TRIP11: variants seen among roughly 807,000 people sequenced by gnomAD.
TRIP11 encodes thyroid receptor-interacting protein 11.
TRIP11 carries 148 observed loss-of-function variants against 223.1 expected under a neutral mutation model. The observed-to-expected ratio is 0.66, with a 90% CI of 0.58 to 0.76. The LOEUF (loss-of-function observed/expected upper bound fraction) is 0.76, where lower values mean the gene tolerates loss of function less well. Among genes scored for constraint, TRIP11 ranks in the 30% least tolerant of loss-of-function variants. The probability of loss-of-function intolerance (pLI) is 0.00; values close to 1 mark genes in which losing one functional copy is unlikely to be tolerated. For synonymous variants in TRIP11, 762 were observed against 772.6 expected (o/e 0.99, Z 0.23); for missense variants, 2,043 against 2,222.0 (o/e 0.92, Z 1.62).
Position 92,005,123 on chromosome 14 carries a change from G to T in TRIP11, c.2853C>A (p.Asn951Lys). The T allele has an allele frequency of 6.2e-7, 1 of 1,613,428 alleles. No individual in the cohort carries two copies. Among genetic ancestry groups the T allele is most frequent in the Non-Finnish European group, 8.5e-7 (1 of 1,180,022 alleles). ...CTAAAAAGAGCTGGGTGTGTGTGGC[G>T]TTCATTTGCTCATGCTGGTATCTAA... ...DEFRYQHEQM[N>K]ATHTQLFLEK... The change falls in exon 11 of 21, where the codon AAC becomes AAA. Residue 951 changes from asparagine to lysine, a missense_variant. Asn to Lys is a moderately conservative substitution (Grantham distance 94). Coordinates refer to ENST00000267622, the MANE Select transcript of TRIP11 (RefSeq NM_004239.4).
chr14:92,036,440 T>A (rs886959213), intron 1 of TRIP11, among the ~76,000 whole-genome samples: 1 of 152,152 alleles, frequency 6.6e-6, no homozygotes, highest in East Asian at 1.9e-4. Context: ...ATTCAACATA[T>A]AAGGAAACTG....
At chr14:91,976,552 G>T (rs1312591532) in intron 16 of TRIP11, among the ~76,000 whole-genome samples, 1 of 152,172 alleles carries the variant, frequency 6.6e-6, no homozygotes, top group Non-Finnish European at 1.5e-5. Context: ...TTATTAACAG[G>T]AGGAAGTAGA....
intron 6 of TRIP11, among the ~76,000 whole-genome samples, chr14:92,015,291 G>A (rs1048087007): frequency 2.0e-5 from 3 of 152,182 alleles, no homozygotes; most frequent in African/African-American, 7.2e-5. Flanking sequence ...CTTAGGGCAA[G>A]TTTACAGCAC....
Position 92,005,493 on chromosome 14 carries a change from T to G in TRIP11, c.2483A>C (p.Gln828Pro). 6.2e-7 allele frequency: 1 copy of G among 1,613,986 alleles called. No homozygotes were observed. Among genetic ancestry groups the G allele is most frequent in the Non-Finnish European group, 8.5e-7 (1 of 1,179,996 alleles). Residue 828 changes from glutamine (Q) to proline (P), a missense_variant, in exon 11 of 21, where the codon CAG becomes CCG. Physicochemically the swap from Gln to Pro is moderately conservative, Grantham distance 76. Transcript: ENST00000267622. ...CTGAGAATATTTATCCAATTCCTCC[T>G]GCAGCTTTGAACTTCTTTCTTTAAG... ...EKLKERSSKL[Q>P]EELDKYSQAL...
chr14:92,005,548 T>A lies in TRIP11; in HGVS notation c.2428A>T (p.Ile810Leu). ...LEEQKQLTQL[I>L]NKKEIFIEKL... ...TCAATAAAAATTTCTTTCTTGTTTA[T>A]AAGTTGTGTCAACTGCTTCTGCTCT... Residue 810 changes from isoleucine to leucine, a missense_variant, in exon 11 of 21, where the codon ATA (isoleucine) becomes TTA (leucine). Ile to Leu is a conservative substitution (Grantham distance 5). Transcript: ENST00000267622. 1.2e-6 allele frequency: 2 copies of A among 1,611,622 alleles called. No homozygotes were observed. The highest frequency in any genetic ancestry group is 1.7e-6 in the Non-Finnish European group (2 of 1,179,592).
chr14:92,003,495 C>T lies in TRIP11; in HGVS notation c.4481G>A (p.Arg1494Gln), dbSNP rs775469397. 6.2e-6 allele frequency: 10 copies of T among 1,613,996 alleles called. No homozygotes were observed. Among genetic ancestry groups the T allele is most frequent in the Admixed American group, 3.3e-5 (2 of 60,000 alleles). ...ETNMKFSMML[R>Q]EKEFECHSMK... ...TGAGTGGCACTCAAACTCTTTTTCT[C>T]GCAGCATCATAGAAAACTTCATGTT... The change falls in exon 11 of 21, where the codon CGA becomes CAA. Residue 1494 changes from arginine (R) to glutamine (Q), a missense_variant. Physicochemically the swap from Arg to Gln is conservative, Grantham distance 43. Coordinates refer to ENST00000267622, the MANE Select transcript of TRIP11 (RefSeq NM_004239.4).
intron 2 of TRIP11, among the ~76,000 whole-genome samples, chr14:92,032,714 T>C (rs550477277): frequency 6.6e-6 from 1 of 151,478 alleles, no homozygotes; most frequent in African/African-American, 2.4e-5. Context: ...GCACCTGTAG[T>C]CCCAGCTACT....
At chr14:92,026,787 A>G in intron 2 of TRIP11, 8 of 1,245,756 alleles carry the variant, frequency 6.4e-6, no homozygotes, top group Non-Finnish European at 9.4e-6. Context: ...GATGGAGATG[A>G]AGATGAGGAA....
chr14:92,030,005 G>A (rs2057243070), intron 2 of TRIP11, among the ~76,000 whole-genome samples: 3 of 151,994 alleles, frequency 2.0e-5, no homozygotes, highest in South Asian at 2.1e-4. Flanking sequence ...AGACCATCCC[G>A]GCTAAAACGG....
Position 91,995,523 on chromosome 14 carries a change from CA to C in TRIP11, c.4893-9del, listed in dbSNP as rs772097102. On this transcript the variant is annotated splice_polypyrimidine_tract_variant and intron_variant, in intron 13 of 20. Transcript: ENST00000267622. Reference sequence around the variant, plus strand: ...TGCACACTGGCTTGATGGCTTCAAACAAAAAGAATAAAAGTCAAACTGCTTC... The same window carrying C: ...TGCACACTGGCTTGATGGCTTCAAACAAAAGAATAAAAGTCAAACTGCTTC... 2.1e-5 allele frequency: 34 copies of C among 1,613,462 alleles called. No individual in the cohort carries two copies. The African/African-American group carries it at 4.4e-4, about 21-fold the overall frequency.
intron 8 of TRIP11, 101 bp downstream of exon 8, chr14:92,011,654 C>A (rs1035605384): frequency 2.7e-5 from 24 of 890,958 alleles, no homozygotes; most frequent in Admixed American, 6.5e-5. Flanking sequence ...AAAGAAACAA[C>A]TCTTTGAATC....
At chr14:91,995,280 T>C (rs1249827520) in intron 14 of TRIP11, 72 bp downstream of exon 14, 12 of 1,579,250 alleles carry the variant, frequency 7.6e-6, no homozygotes, top group Non-Finnish European at 1.0e-5. Context: ...TCATCTAAAA[T>C]AGCTCTCAAA....
chr14:92,026,865 A>C (rs1227758513), intron 2 of TRIP11: 1 of 1,525,328 alleles, frequency 6.6e-7, no homozygotes. Flanking sequence ...ACCAAGAAGC[A>C]GAAGACCGAC....
chr14:92,004,085 C>T lies in TRIP11; in HGVS notation c.3891G>A (p.Gln1297=), dbSNP rs2056864796. 1 of 1,614,202 alleles carries T rather than the reference C, an allele frequency of 6.2e-7. No homozygotes were observed. Among genetic ancestry groups the T allele is most frequent in the African/African-American group, 1.3e-5 (1 of 75,060 alleles). Residue 1297 remains glutamine (Q), a synonymous_variant, in exon 11 of 21, where the codon CAG becomes CAA. Coordinates refer to ENST00000267622, the MANE Select transcript of TRIP11 (RefSeq NM_004239.4). ...AAAGAAGATCCTTGGTATTGCAAAG[C>T]TGCCCAATGCTGTGCTGAACTTGTG... ...ELAQVQHSIG[Q]LCNTKDLLLG... is the part of the protein sequence containing the mutation.
In TRIP11 at chr14:92,004,728, T is replaced by A; in HGVS notation, c.3248A>T (p.Asp1083Val). 6.2e-7 allele frequency: 1 copy of A among 1,614,168 alleles called. No individual in the cohort carries two copies. The highest frequency in any genetic ancestry group is 8.5e-7 in the Non-Finnish European group (1 of 1,180,012). Reference sequence around the variant, plus strand: ...CAGTTGCTGTTGAAGGTAAACAACATCTTGAGTATGGGAAGTTGAAGAAAT... The same window carrying A: ...CAGTTGCTGTTGAAGGTAAACAACAACTTGAGTATGGGAAGTTGAAGAAAT... ...ARISSTSHTQ[D>V]VVYLQQQLQA... Residue 1083 changes from aspartate (D) to valine (V), a missense_variant, in exon 11 of 21, where the codon GAT (aspartate) becomes GTT (valine). Asp to Val is a radical substitution (Grantham distance 152). Transcript: ENST00000267622.
Position 92,007,864 on chromosome 14 carries a change from A to G in TRIP11, c.1315-12T>C, listed in dbSNP as rs192759552. On this transcript the variant is annotated splice_polypyrimidine_tract_variant and intron_variant, in intron 9 of 20. Transcript: ENST00000267622. ...ATCTGAAGTTCTTCCTGAAATGATA[A>G]AAGGAAAAAAGCAACACATACTTTC... The G allele has an allele frequency of 1.4e-5, 22 of 1,588,646 alleles. No individual in the cohort carries two copies. In the East Asian group the frequency reaches 3.8e-4, roughly 28 times the overall value.
chr14:91,999,446 C>T lies in TRIP11; in HGVS notation c.4699-13G>A, dbSNP rs747802715. ...GTAAACGTTGAACCTAGGTAGAGGA[C>T]ATTATTTTTCTTTTACAAAATGCTC... On this transcript the variant is annotated splice_polypyrimidine_tract_variant and intron_variant, in intron 12 of 20. Transcript: ENST00000267622. The T allele has an allele frequency of 9.9e-6, 16 of 1,612,956 alleles. No homozygotes were observed. Among genetic ancestry groups the T allele is most frequent in the African/African-American group, 1.3e-5 (1 of 74,886 alleles).
intron 14 of TRIP11, among the ~76,000 whole-genome samples, chr14:91,994,745 T>TA (rs1355466336): frequency 6.6e-6 from 1 of 152,232 alleles, no homozygotes; most frequent in Non-Finnish European, 1.5e-5. Context: ...ATGAATGATC[T>TA]AAAGTGAATA....
chr14:91,969,739 A>C lies in TRIP11; in HGVS notation c.5874T>G (p.Phe1958Leu). 1 of 1,613,664 alleles carries C rather than the reference A, an allele frequency of 6.2e-7. No individual in the cohort carries two copies. Among genetic ancestry groups the C allele is most frequent in the African/African-American group, 1.3e-5 (1 of 75,026 alleles). The change falls in exon 21 of 21, where the codon TTT (phenylalanine) becomes TTG (leucine). Residue 1958 changes from phenylalanine to leucine, a missense_variant. Transcript: ENST00000267622. ...LKPISDVLPT[F>L]TPLPALPDNS... The stretch of plus-strand genomic sequence containing the variant: ...TGTCAGGTAACGCTGGCAAAGGTGT[A>C]AATGTGGGCAAAACATCTGAGATGG...
Sources: allele counts gnomAD v4.1 joint callset (sites outside exome capture counted in the v4.1 genomes callset), GRCh38; gene constraint gnomAD v4.1.1; transcripts MANE v1.5; gene names NCBI Gene and HGNC (gene_info 2026-07-23, HGNC 2026-07-21).